Variants in NSUN6 observed in about 807,000 individuals in gnomAD.
The protein encoded by NSUN6 is NOP2/Sun RNA methyltransferase 6.
In NSUN6, 64 loss-of-function variants were observed where a neutral mutation model predicts 58.0. That is an observed-to-expected ratio of 1.10 (90% CI 0.90 to 1.36). The LOEUF is 1.36. Among genes scored for constraint, NSUN6 ranks in the 40% most tolerant of loss-of-function variants. The pLI, the probability that NSUN6 is intolerant of heterozygous loss-of-function variation, is 0.00. For synonymous variants in NSUN6, 231 were observed against 193.9 expected, an observed-to-expected ratio of 1.19 and a Z score of -1.59; for missense variants, 701 against 550.1, an observed-to-expected ratio of 1.27 and a Z score of -2.74.
chr10:18,546,153 G>T lies in NSUN6; in HGVS notation c.1198-8C>A. On this transcript the variant is annotated splice_region_variant and splice_polypyrimidine_tract_variant and intron_variant, in intron 10 of 10. Transcript: ENST00000377304. ...TCCTCCAATCTGCGGTTCCTGTTTGGAGAAAGTGGATCAATATGGATGAAC... is the reference window on the plus strand; with the variant it reads ...TCCTCCAATCTGCGGTTCCTGTTTGTAGAAAGTGGATCAATATGGATGAAC... 1 of 1,585,960 alleles carries T rather than the reference G, an allele frequency of 6.3e-7. No individual in the cohort carries two copies. The highest frequency in any genetic ancestry group is 1.7e-4 in the Middle Eastern group (1 of 6,012).
At chr10:18,594,427 TTC>T (rs201678474) in intron 7 of NSUN6, among the ~76,000 whole-genome samples, 1,333 of 126,180 alleles carry the variant, frequency 0.011, 15 homozygotes, top group South Asian at 0.039. Flanking sequence ...GATAGACACT[TTC>T]TGTTTTTTTT....
intron 3 of NSUN6, among the ~76,000 whole-genome samples, chr10:18,627,209 A>C (rs1426767581): frequency 1.3e-5 from 2 of 152,216 alleles, no homozygotes; most frequent in East Asian, 3.9e-4. Context: ...TTTTATTTTA[A>C]ATCTCATTTC....
At chr10:18,622,892 G>T (rs1193515583) in intron 3 of NSUN6, among the ~76,000 whole-genome samples, 1 of 152,196 alleles carries the variant, frequency 6.6e-6, no homozygotes, top group African/African-American at 2.4e-5. Flanking sequence ...TTAATTGAGA[G>T]AATACAGAAA....
chr10:18,613,767 A>C (rs1328175880), intron 5 of NSUN6, among the ~76,000 whole-genome samples: 1 of 152,150 alleles, frequency 6.6e-6, no homozygotes, highest in East Asian at 1.9e-4. Flanking sequence ...CAACATGAAA[A>C]ACTGTTCCAC....
intron 8 of NSUN6, among the ~76,000 whole-genome samples, chr10:18,580,410 T>A (rs2056852488): frequency 6.6e-6 from 1 of 152,172 alleles, no homozygotes; most frequent in Admixed American, 6.5e-5. Context: ...ATGAAAGGAC[T>A]GTGGTCTCTC....
intron 8 of NSUN6, among the ~76,000 whole-genome samples, chr10:18,557,289 G>C (rs565670244): frequency 1.0e-3 from 158 of 151,434 alleles, no homozygotes; most frequent in African/African-American, 3.7e-3. Context: ...GAATGCAGTG[G>C]AGAGTGGAAG....
chr10:18,657,635 G>T (rs1162100251), upstream of NSUN6, among the ~76,000 whole-genome samples: 1 of 150,794 alleles, frequency 6.6e-6, no homozygotes, highest in African/African-American at 2.4e-5. Context: ...TATTTTTTTA[G>T]ACGGAGTCTC....
intron 7 of NSUN6, among the ~76,000 whole-genome samples, chr10:18,593,384 T>C (rs2057452335): frequency 6.6e-6 from 1 of 152,182 alleles, no homozygotes; most frequent in Non-Finnish European, 1.5e-5. Flanking sequence ...TATAAATCAT[T>C]CTGCTATAAA....
rs535052497 is a variant in NSUN6, at chr10:18,616,933, G to A, written c.312-640C>T. ...TCACAACTCACTGCTGGGGGAATTA[G>A]GTGCATCCTGTCTTCAATTCCATGA... On this transcript the variant is annotated intron_variant, in intron 3 of 10. Coordinates refer to ENST00000377304, the MANE Select transcript of NSUN6 (RefSeq NM_182543.5). Among the ~76,000 whole-genome samples, 7 of 152,176 alleles carry A rather than the reference G, an allele frequency of 4.6e-5. No individual in the cohort carries two copies. The East Asian group carries it at 1.4e-3, about 29-fold the overall frequency.
At chr10:18,628,302 G>C (rs2058898649) in intron 3 of NSUN6, among the ~76,000 whole-genome samples, 1 of 151,978 alleles carries the variant, frequency 6.6e-6, no homozygotes, top group African/African-American at 2.4e-5. Flanking sequence ...ACAAAGATGG[G>C]GAAAAAACAG....
At chr10:18,566,347 C>A (rs1321887416) in intron 8 of NSUN6, among the ~76,000 whole-genome samples, 1 of 150,726 alleles carries the variant, frequency 6.6e-6, no homozygotes, top group Admixed American at 6.6e-5. Context: ...CCATTCCATT[C>A]CGCAATCCAT....
intron 8 of NSUN6, among the ~76,000 whole-genome samples, chr10:18,566,545 C>A (rs906983380): frequency 7.4e-6 from 1 of 135,324 alleles, no homozygotes; most frequent in Non-Finnish European, 1.7e-5. Flanking sequence ...CTGTCCAATC[C>A]ATTCCATTCT....
chr10:18,654,619 A>T (rs895358429), upstream of NSUN6: 6 of 152,334 alleles, frequency 3.9e-5, no homozygotes, highest in African/African-American at 1.4e-4. Flanking sequence ...GCAGTGGCTC[A>T]TGCCTGTAAT....
At chr10:18,624,662 A>AAAG (rs1554880336) in intron 3 of NSUN6, among the ~76,000 whole-genome samples, 1 of 151,400 alleles carries the variant, frequency 6.6e-6, no homozygotes, top group African/African-American at 2.4e-5. Context: ...AAAAAAAAAA[A>AAAG]AAGAACGAAT....
intron 3 of NSUN6, among the ~76,000 whole-genome samples, chr10:18,628,036 T>C (rs1427254711): frequency 2.6e-5 from 4 of 152,192 alleles, no homozygotes; most frequent in African/African-American, 4.8e-5. Flanking sequence ...GAGCAGTGGT[T>C]CTCCCAGCAC....
intron 8 of NSUN6, among the ~76,000 whole-genome samples, chr10:18,579,060 G>A (rs1190253533): frequency 6.6e-6 from 1 of 152,180 alleles, no homozygotes; most frequent in Non-Finnish European, 1.5e-5. Flanking sequence ...TCACCAGAAT[G>A]ACCCCCAGAC....
At chr10:18,570,159 T>C (rs998121478) in intron 8 of NSUN6, among the ~76,000 whole-genome samples, 1 of 151,082 alleles carries the variant, frequency 6.6e-6, no homozygotes, top group African/African-American at 2.4e-5. Flanking sequence ...CCATTCTCCA[T>C]TCCATTCCAC....
intron 6 of NSUN6, among the ~76,000 whole-genome samples, chr10:18,596,811 C>G (rs901124643): frequency 6.6e-6 from 1 of 152,108 alleles, no homozygotes; most frequent in African/African-American, 2.4e-5. Flanking sequence ...GACATATCAT[C>G]TGAGAGTACT....
intron 3 of NSUN6, among the ~76,000 whole-genome samples, chr10:18,639,269 C>T (rs1047409278): frequency 6.6e-5 from 10 of 152,136 alleles, no homozygotes; most frequent in African/African-American, 2.2e-4. Flanking sequence ...GTGAGGCAGG[C>T]GGATCATGAA....
Sources: gnomAD v4.1 joint callset for allele counts (sites outside exome capture counted in the v4.1 genomes callset) on GRCh38, gnomAD v4.1.1 for gene constraint, MANE v1.5 for transcripts, NCBI Gene and HGNC (gene_info 2026-07-23, HGNC 2026-07-21) for gene names.